ANKRD55: variants seen among roughly 807,000 people sequenced by gnomAD.
ANKRD55 encodes the protein ankyrin repeat domain 55, also known as ankyrin repeat domain-containing protein 55.
A neutral mutation model predicts 60.6 loss-of-function variants in ANKRD55; 41 were observed. The ratio of observed to expected loss-of-function variants is 0.68; its 90% confidence interval spans 0.53 to 0.88. The LOEUF is 0.88. Ranked by LOEUF, ANKRD55 falls within the 40% of genes least tolerant of loss-of-function variation. The probability of loss-of-function intolerance (pLI) is 0.00; values close to 1 mark genes in which losing one functional copy is unlikely to be tolerated. For missense variants in ANKRD55, 732 were observed against 767.6 expected (o/e 0.95, Z 0.55); for synonymous variants, 264 against 290.3 (o/e 0.91, Z 0.92).
rs1343977513 is a variant in ANKRD55 at position 56,166,203 on chromosome 5, C to CCT, written c.422+4490_422+4491insAG. 2.9e-3 allele frequency among the ~76,000 whole-genome samples: 248 copies of CCT among 84,546 alleles called. 9 individuals carry two copies. In the East Asian group the frequency reaches 0.039, roughly 13 times the overall value. 55.5% of individuals were successfully genotyped at this position (84,546 alleles called of 152,430 possible). The stretch of plus-strand genomic sequence containing the variant: ...CTTCCTTCCTTCCTTCCTTCCTTCT[C>CCT]TCTCTCTCTCTCTCTTTCTTTCTTT... On this transcript the variant is annotated intron_variant, in intron 5 of 11. Transcript: ENST00000341048.
At chr5:56,220,000 A>T (rs985222397) in intron 2 of ANKRD55, among the ~76,000 whole-genome samples, 2 of 152,198 alleles carry the variant, frequency 1.3e-5, no homozygotes, top group Non-Finnish European at 2.9e-5. Context: ...TGACAGGAAG[A>T]GCTCAGCATG....
At chr5:56,211,345 TG>T (rs1393833925) in intron 2 of ANKRD55, among the ~76,000 whole-genome samples, 1 of 152,222 alleles carries the variant, frequency 6.6e-6, no homozygotes, top group Non-Finnish European at 1.5e-5. Context: ...TAGAGCTCAC[TG>T]TATCTCACTG....
In ANKRD55 at chr5:56,131,687, T is replaced by A. The variant is rs145673485; in HGVS notation, c.613-4581A>T. Reference sequence around the variant, plus strand: ...GGTGCGTGCCTGTGATCCCAGCTACTCGGAAGGCTGAGACAGGAGAATCGC... The same window carrying A: ...GGTGCGTGCCTGTGATCCCAGCTACACGGAAGGCTGAGACAGGAGAATCGC... On this transcript the variant is annotated intron_variant, in intron 7 of 11. Coordinates refer to ENST00000341048, the MANE Select transcript of ANKRD55 (RefSeq NM_024669.3). Among the ~76,000 whole-genome samples the A allele has an allele frequency of 3.6e-3, 529 of 147,530 alleles. 3 individuals carry two copies. The highest frequency in any genetic ancestry group is 0.013 in the African/African-American group (504 of 39,950).
At chr5:56,156,195 G>A (rs925478672) in intron 6 of ANKRD55, among the ~76,000 whole-genome samples, 5 of 152,182 alleles carry the variant, frequency 3.3e-5, no homozygotes, top group African/African-American at 1.2e-4. Context: ...GCTGTGAATG[G>A]ACCAAAGAGG....
intron 2 of ANKRD55, among the ~76,000 whole-genome samples, chr5:56,208,414 T>A (rs364259): frequency 9.0e-4 from 64 of 71,168 alleles, no homozygotes; most frequent in East Asian, 3.3e-3. Context: ...TTAAAAAAAA[T>A]ATTTATTTAT....
At chr5:56,130,185 G>T (rs369177069) in intron 7 of ANKRD55, among the ~76,000 whole-genome samples, 2 of 152,136 alleles carry the variant, frequency 1.3e-5, no homozygotes, top group African/African-American at 2.4e-5. Flanking sequence ...GGGGGAAAAG[G>T]TACCTTTTTT....
chr5:56,176,131 G>A (rs1175698960), intron 4 of ANKRD55, 21 bp downstream of exon 4: 8 of 1,613,996 alleles, frequency 5.0e-6, no homozygotes, highest in Admixed American at 3.3e-5. Context: ...CTTCCACCCT[G>A]TGACAGGCAC....
chr5:56,117,366 C>T (rs190070809), intron 8 of ANKRD55, among the ~76,000 whole-genome samples: 58 of 152,170 alleles, frequency 3.8e-4, no homozygotes, highest in African/African-American at 1.3e-3. Flanking sequence ...TTTGTATGTG[C>T]TCTTTATATT....
rs146618027 is a variant in ANKRD55, at chr5:56,127,091, G to C, written c.628C>G (p.Leu210Val). The C allele has an allele frequency of 3.1e-6, 5 of 1,610,226 alleles. No individual in the cohort carries two copies. The highest frequency in any genetic ancestry group is 4.2e-6 in the Non-Finnish European group (5 of 1,178,148). Residue 210 changes from leucine to valine, a missense_variant, in exon 8 of 12, where the codon CTG becomes GTG. Leu to Val is a conservative substitution (Grantham distance 32). Transcript: ENST00000341048. ...HWAVQSGNRI[L>V]CSIILSHHQG... is the part of the protein sequence containing the mutation. ...TGATGGCTCAGAATGATGGAGCACA[G>C]AATCCTATTTCCACTCTGGAAAAGA...
intron 2 of ANKRD55, among the ~76,000 whole-genome samples, chr5:56,219,294 A>G (rs6860966): frequency 2.0e-5 from 3 of 150,452 alleles, no homozygotes; most frequent in Admixed American, 1.3e-4. Context: ...AAAAAAAAAG[A>G]AAAATTTAAA....
intron 9 of ANKRD55, among the ~76,000 whole-genome samples, chr5:56,112,510 A>AAAAAAACAAAAAAAAAAAC (rs1554036581): frequency 2.9e-4 from 40 of 138,058 alleles, no homozygotes; most frequent in Middle Eastern, 3.9e-3. Context: ...CTAGCAAAAA[A>AAAAAAACAAAAAAAAAAAC]AAAAAAAAAA....
intron 2 of ANKRD55, among the ~76,000 whole-genome samples, chr5:56,187,964 G>A (rs77341136): frequency 6.6e-6 from 1 of 152,062 alleles, no homozygotes; most frequent in East Asian, 1.9e-4. Flanking sequence ...CTGATTGAAG[G>A]GTGGTTAAGT....
chr5:56,100,037 G>A lies in ANKRD55; in HGVS notation c.*146C>T. The stretch of plus-strand genomic sequence containing the variant: ...CTTATTTAGGGAGTATCTTTATTTG[G>A]AATAAAGAATTTCGAGTTATAAAAC... On this transcript the variant is annotated 3_prime_UTR_variant, in exon 12 of 12. Coordinates refer to ENST00000341048, the MANE Select transcript of ANKRD55 (RefSeq NM_024669.3). 9.5e-7 allele frequency: 1 copy of A among 1,049,496 alleles called. No individual in the cohort carries two copies. The highest frequency in any genetic ancestry group is 1.4e-6 in the Non-Finnish European group (1 of 715,120). 65.0% of individuals were successfully genotyped at this position (1,049,496 alleles called of 1,614,324 possible).
intron 2 of ANKRD55, among the ~76,000 whole-genome samples, chr5:56,215,178 C>T (rs1759773307): frequency 6.6e-6 from 1 of 152,122 alleles, no homozygotes; most frequent in South Asian, 2.1e-4. Context: ...CTTGTTGCTG[C>T]ATAGAACAAA....
intron 10 of ANKRD55, among the ~76,000 whole-genome samples, chr5:56,105,085 CTT>C (rs755695417): frequency 5.8e-4 from 71 of 123,284 alleles, no homozygotes; most frequent in Admixed American, 4.9e-4. Flanking sequence ...TGGAGCTATT[CTT>C]TTTTTTTTTT....
intron 2 of ANKRD55, among the ~76,000 whole-genome samples, chr5:56,231,609 G>A (rs1354893007): frequency 6.6e-6 from 1 of 151,136 alleles, no homozygotes; most frequent in Non-Finnish European, 1.5e-5. Flanking sequence ...TCTCTATGCT[G>A]TTCAGATCCA....
At chr5:56,219,456 G>A (rs1759909587) in intron 2 of ANKRD55, among the ~76,000 whole-genome samples, 1 of 152,114 alleles carries the variant, frequency 6.6e-6, no homozygotes, top group African/African-American at 2.4e-5. Flanking sequence ...TCATTAATGA[G>A]CAAGTGCCCT....
intron 10 of ANKRD55, among the ~76,000 whole-genome samples, chr5:56,104,708 C>T (rs1277062166): frequency 2.0e-5 from 3 of 152,168 alleles, no homozygotes; most frequent in South Asian, 2.1e-4. Flanking sequence ...ATTCAGCAAT[C>T]ATCCATTGAG....
intron 8 of ANKRD55, among the ~76,000 whole-genome samples, chr5:56,119,760 A>G (rs1057361635): frequency 6.6e-6 from 1 of 151,318 alleles, no homozygotes; most frequent in African/African-American, 2.4e-5. Context: ...CAAAAAAAAT[A>G]TAAAAATTAG....
Sources: allele counts gnomAD v4.1 joint callset (sites outside exome capture counted in the v4.1 genomes callset), GRCh38; gene constraint gnomAD v4.1.1; transcripts MANE v1.5; gene names NCBI Gene and HGNC (gene_info 2026-07-23, HGNC 2026-07-21).